Variants in ADGRD1 observed in about 807,000 individuals in gnomAD.
The protein encoded by ADGRD1 is G-protein coupled receptor 133.
A neutral mutation model predicts 113.4 loss-of-function variants in ADGRD1; 77 were observed. The observed-to-expected ratio is 0.68, with a 90% CI of 0.57 to 0.82. ADGRD1 has a LOEUF of 0.82. Ranked by LOEUF, ADGRD1 falls within the 40% of genes least tolerant of loss-of-function variation. ADGRD1 has a pLI of 0.00. For synonymous variants in ADGRD1, 474 were observed against 475.0 expected (o/e 1.00, Z 0.03); for missense variants, 1,036 against 1,139.1 (o/e 0.91, Z 1.30).
chr12:131,101,377 C>CTTTTTTTTTTTTTTTTTTTTTTTTTTTCT (rs71095334), intron 15 of ADGRD1, among the ~76,000 whole-genome samples: 1 of 36,132 alleles, frequency 2.8e-5, no homozygotes, highest in Non-Finnish European at 5.1e-5. Flanking sequence ...TTCTTTCTTT[C>CTTTTTTTTTTTTTTTTTTTTTTTTTTTCT]TTTTTTTTTT....
chr12:131,087,619 T>C (rs1166761784), intron 15 of ADGRD1, among the ~76,000 whole-genome samples: 5 of 152,194 alleles, frequency 3.3e-5, no homozygotes, highest in African/African-American at 7.2e-5. Flanking sequence ...GTGGTAAATA[T>C]TGTGCAGGCA....
chr12:131,004,680 G>T (rs2136745614), intron 11 of ADGRD1, among the ~76,000 whole-genome samples: 1 of 152,302 alleles, frequency 6.6e-6, no homozygotes, highest in African/African-American at 2.4e-5. Context: ...GTCAGCCGAA[G>T]ATAAAAAGAT....
At chr12:130,961,098 C>A (rs1870300805) in intron 2 of ADGRD1, among the ~76,000 whole-genome samples, 1 of 152,162 alleles carries the variant, frequency 6.6e-6, no homozygotes, top group Admixed American at 6.5e-5. Context: ...CAAGTCAGTG[C>A]AACACTGAAG....
chr12:131,121,040 C>A, intron 20 of ADGRD1, 127 bp downstream of exon 20: 2 of 786,244 alleles, frequency 2.5e-6, no homozygotes, highest in South Asian at 1.7e-5. Context: ...GTTCCTCGGT[C>A]ACTCCTCGCT....
At chr12:131,042,213 AC>A (rs1175930064) in intron 13 of ADGRD1, among the ~76,000 whole-genome samples, 1 of 152,196 alleles carries the variant, frequency 6.6e-6, no homozygotes, top group African/African-American at 2.4e-5. Flanking sequence ...GTGATTCAAA[AC>A]AGCTTAAGTG....
intron 9 of ADGRD1, among the ~76,000 whole-genome samples, chr12:131,001,198 A>G (rs969729286): frequency 3.9e-5 from 6 of 152,206 alleles, no homozygotes; most frequent in African/African-American, 1.4e-4. Context: ...GTACTTCATG[A>G]TTAAGGTGCA....
chr12:131,013,355 C>T (rs1878156542), intron 12 of ADGRD1, among the ~76,000 whole-genome samples: 1 of 152,168 alleles, frequency 6.6e-6, no homozygotes, highest in Non-Finnish European at 1.5e-5. Flanking sequence ...CATCTCTCAG[C>T]AATTCCCTTC....
At chr12:131,038,971 C>T (rs181040543) in intron 13 of ADGRD1, among the ~76,000 whole-genome samples, 1 of 152,352 alleles carries the variant, frequency 6.6e-6, no homozygotes, top group East Asian at 1.9e-4. Flanking sequence ...GCAAGGCTGT[C>T]CCCCTAGGGA....
chr12:131,082,468 C>T (rs1176573774), intron 14 of ADGRD1, among the ~76,000 whole-genome samples: 2 of 152,192 alleles, frequency 1.3e-5, no homozygotes, highest in Admixed American at 6.5e-5. Context: ...ACCTTTGCAG[C>T]TCCATCTGAG....
rs571142103 is a variant in ADGRD1 at position 131,041,407 on chromosome 12, C to T, written c.1473+27067C>T. On this transcript the variant is annotated intron_variant, in intron 13 of 24. Coordinates refer to ENST00000261654, the MANE Select transcript of ADGRD1 (RefSeq NM_198827.5). This position sits in a 1 kb window ranked among gnomAD's most constrained non-coding sequence, Gnocchi z 4.4. ...CCTTTCCCTGTCCAGTGGAAAGCCT[C>T]GATGGGGAGCTGACCCAGCCACCTG... 1.3e-4 allele frequency among the ~76,000 whole-genome samples: 20 copies of T among 152,230 alleles called. No homozygotes were observed. The highest frequency in any genetic ancestry group is 1.0e-3 in the Admixed American group (16 of 15,290).
chr12:131,079,192 G>C (rs1386956848), intron 14 of ADGRD1, among the ~76,000 whole-genome samples: 2 of 152,134 alleles, frequency 1.3e-5, no homozygotes, highest in Admixed American at 6.5e-5. Flanking sequence ...TCAACATCTT[G>C]TTTTCACATT....
At chr12:131,012,527 G>C (rs185822549) in intron 12 of ADGRD1, among the ~76,000 whole-genome samples, 1 of 152,278 alleles carries the variant, frequency 6.6e-6, no homozygotes, top group African/African-American at 2.4e-5. Context: ...TAAACACTTT[G>C]TATTTACAAT....
At chr12:131,051,305 A>C (rs540849058) in intron 13 of ADGRD1, among the ~76,000 whole-genome samples, 1 of 152,164 alleles carries the variant, frequency 6.6e-6, no homozygotes, top group South Asian at 2.1e-4. Context: ...GGCCTGCTTC[A>C]TTTTCCTTCT....
chr12:130,973,805 A>AACAAAG (rs56974806), intron 4 of ADGRD1, among the ~76,000 whole-genome samples: 141,722 of 151,988 alleles, frequency 0.93, 66,864 homozygotes, highest in East Asian at 1. Context: ...CCAGATATAA[A>AACAAAG]CCGGGGGTGC....
At chr12:131,107,511 G>A (rs1301418989) in intron 17 of ADGRD1, among the ~76,000 whole-genome samples, 3 of 150,756 alleles carry the variant, frequency 2.0e-5, no homozygotes, top group Non-Finnish European at 2.9e-5. Context: ...GAATCCCAGG[G>A]AAGGGCTCTG....
intron 21 of ADGRD1, among the ~76,000 whole-genome samples, chr12:131,134,780 C>T (rs541756707): frequency 5.9e-5 from 9 of 152,318 alleles, no homozygotes; most frequent in African/African-American, 1.4e-4. Flanking sequence ...GCTGCATGGC[C>T]GTCCACTTGT....
chr12:131,027,246 T>C lies in ADGRD1; in HGVS notation c.1473+12906T>C, dbSNP rs1218930258. On this transcript the variant is annotated intron_variant, in intron 13 of 24. Coordinates refer to ENST00000261654, the MANE Select transcript of ADGRD1 (RefSeq NM_198827.5). This position sits in a 1 kb window ranked among gnomAD's most constrained non-coding sequence, Gnocchi z 5.1. Reference sequence around the variant, plus strand: ...TAGCCAAACATCGTTTGAAATCCCATCCCTCAGAGATGACCAGTGTCAACA... The same window carrying C: ...TAGCCAAACATCGTTTGAAATCCCACCCCTCAGAGATGACCAGTGTCAACA... The C allele has an allele frequency of 3.3e-5, 5 of 152,186 alleles. No individual in the cohort carries two copies. The highest frequency in any genetic ancestry group is 1.2e-4 in the African/African-American group (5 of 41,440). The allele number at this position is 152,186 out of a possible 1,614,324, so 9.4% of individuals were successfully genotyped here. A position where few individuals can be genotyped will look rare whatever the true frequency, so the allele number is the denominator to read the frequency against.
Position 130,954,598 on chromosome 12 carries a change from C to G in ADGRD1, c.67-26C>G. 1 of 1,613,426 alleles carries G rather than the reference C, an allele frequency of 6.2e-7. No individual in the cohort carries two copies. Among genetic ancestry groups the G allele is most frequent in the Non-Finnish European group, 8.5e-7 (1 of 1,179,358 alleles). On this transcript the variant is annotated intron_variant, in intron 1 of 24. Transcript: ENST00000261654. The surrounding 1 kb of genome is among the most constrained non-coding windows in gnomAD (Gnocchi z 4.7). Reference sequence around the variant, plus strand: ...CTCCGGAGGCTTTCCCTGAGTGTGTCTCACACTGTGGTCTTTTGTGCGCAG... The same window carrying G: ...CTCCGGAGGCTTTCCCTGAGTGTGTGTCACACTGTGGTCTTTTGTGCGCAG...
intron 13 of ADGRD1, among the ~76,000 whole-genome samples, chr12:131,076,540 TAGG>T (rs1013339459): frequency 6.6e-6 from 1 of 151,670 alleles, no homozygotes; most frequent in Non-Finnish European, 1.5e-5. Context: ...AGGCACGTCC[TAGG>T]AGGAGGAGTG....
Sources: gnomAD v4.1 joint callset for allele counts (sites outside exome capture counted in the v4.1 genomes callset) on GRCh38, gnomAD v4.1.1 for gene constraint, Gnocchi (gnomAD v3.1) non-coding constraint, MANE v1.5 for transcripts, NCBI Gene and HGNC (gene_info 2026-07-23, HGNC 2026-07-21) for gene names.